LRP1: variants seen among roughly 807,000 people sequenced by gnomAD.
The protein encoded by LRP1 is LDL receptor related protein 1, also known as prolow-density lipoprotein receptor-related protein 1.
A neutral mutation model predicts 541.5 loss-of-function variants in LRP1; 51 were observed. The ratio of observed to expected loss-of-function variants is 0.09; its 90% CI spans 0.08 to 0.12. The LOEUF (loss-of-function observed/expected upper bound fraction) is 0.12. Ranked by LOEUF, LRP1 falls within the 10% of genes least tolerant of loss-of-function variation. The pLI, the probability that LRP1 is intolerant of heterozygous loss-of-function variation, is 1.00. For missense variants in LRP1, 3,878 were observed against 6,376.2 expected (o/e 0.61, Z 13.34); for synonymous variants, 2,219 against 2,470.8 (o/e 0.90, Z 3.02).
In LRP1 at chr12:57,173,858, C is replaced by T. The variant is rs750861138; in HGVS notation, c.3425C>T (p.Ser1142Phe). 7 of 1,614,096 alleles carry T rather than the reference C, an allele frequency of 4.3e-6. No individual in the cohort carries two copies. In the Admixed American group the frequency reaches 5.0e-5, roughly 12 times the overall value. Residue 1142 changes from serine to phenylalanine, a missense_variant, in exon 22 of 89, where the codon TCC becomes TTC. Ser to Phe is a radical substitution (Grantham distance 155). Around this residue, in one of 13 missense-constraint regions of LRP1, gnomAD observed 320 missense variants for 547.9 expected, o/e 0.58. Transcript: ENST00000243077. This position sits in a 1 kb window ranked among gnomAD's most constrained non-coding sequence, Gnocchi z 4.7. ...EDNSDEENCE[S>F]LACRPPSHPC... ...AACTCGGACGAGGAGAACTGCGAGT[C>T]CCTGGCCTGCAGGCCACCCTCGCAC...
chr12:57,196,380 A>C, intron 55 of LRP1, 103 bp downstream of exon 55: 2 of 1,159,026 alleles, frequency 1.7e-6, no homozygotes, highest in Admixed American at 5.8e-5. Context: ...GTGGGGATAC[A>C]GCAGTGAATG....
At chr12:57,208,310 C>A in intron 77 of LRP1, 94 bp downstream of exon 77, 1 of 1,326,604 alleles carries the variant, frequency 7.5e-7, no homozygotes, top group Non-Finnish European at 1.0e-6. Flanking sequence ...GCCCTTCCCT[C>A]CCAGGCCAGC....
intron 51 of LRP1, 74 bp from the exon 52 acceptor site, chr12:57,195,197 C>T (rs2036503224): frequency 8.2e-6 from 13 of 1,585,394 alleles, no homozygotes; most frequent in East Asian, 4.5e-5. Context: ...CAGACGACGG[C>T]GAACCATCAC....
rs1381678793 is a variant in LRP1 at position 57,210,291 on chromosome 12, C to T, written c.12581-16C>T. The T allele has an allele frequency of 9.0e-6, 14 of 1,548,626 alleles. No homozygotes were observed. Among genetic ancestry groups the T allele is most frequent in the African/African-American group, 1.4e-5 (1 of 73,358 alleles). ...CTATTCCCCTGGCTCTGCCCCTTGACGGGCCCTTCCTGCAGCTCCCCGGCC... is the reference window on the plus strand; with the variant it reads ...CTATTCCCCTGGCTCTGCCCCTTGATGGGCCCTTCCTGCAGCTCCCCGGCC... On this transcript the variant is annotated splice_polypyrimidine_tract_variant and intron_variant, in intron 81 of 88. Transcript: ENST00000243077.
chr12:57,187,302 G>A lies in LRP1; in HGVS notation c.6877G>A (p.Gly2293Ser), dbSNP rs753669829. Residue 2293 changes from glycine (G) to serine (S), a missense_variant, in exon 42 of 89, where the codon GGC becomes AGC. Gly to Ser is a moderately conservative substitution (Grantham distance 56). This residue lies in a region of LRP1 where 1,100 missense variants were observed against 1,827.4 expected (regional missense o/e 0.60). Transcript: ENST00000243077. The part of the protein sequence containing the change: ...GSVEGLAYHR[G>S]WDTLYWTSYT... ...CGTGGAAGGCCTGGCCTATCACCGT[G>A]GCTGGGACACTCTCTATTGGACAAG... 9.3e-6 allele frequency: 15 copies of A among 1,613,994 alleles called. No individual in the cohort carries two copies. The highest frequency in any genetic ancestry group is 4.2e-6 in the Non-Finnish European group (5 of 1,179,994).
At chr12:57,155,086 C>T in intron 8 of LRP1, 1 of 471,780 alleles carries the variant, frequency 2.1e-6, no homozygotes, top group Non-Finnish European at 3.8e-6. Context: ...GTTCTAGAAG[C>T]CTTGCTGGCT....
At chr12:57,180,542 C>G in intron 32 of LRP1, 63 bp downstream of exon 32, 1 of 1,607,882 alleles carries the variant, frequency 6.2e-7, no homozygotes, top group East Asian at 2.2e-5. Context: ...TACTGGGAGA[C>G]AGGGGCTGGC....
Position 57,184,524 on chromosome 12 carries a change from C to A in LRP1, c.6186+72C>A. 1.3e-6 allele frequency: 2 copies of A among 1,591,842 alleles called. No homozygotes were observed. Among genetic ancestry groups the A allele is most frequent in the East Asian group, 2.3e-5 (1 of 44,232 alleles). On this transcript the variant is annotated intron_variant, in intron 38 of 88. Transcript: ENST00000243077. This position sits in a 1 kb window ranked among gnomAD's most constrained non-coding sequence, Gnocchi z 7.8. ...CAGGCTCCTGTTCCCTGTGATGAGC[C>A]CATTCTGGGAGGACTTGGAGCCCAG...
In LRP1 at chr12:57,201,082, G is replaced by T; in HGVS notation, c.10274G>T (p.Arg3425Leu). ...CAGTTCAAATGCACCAACACCAACC[G>T]CTGTATTCCCGGCATCTTCCGCTGC... ...PSQFKCTNTNRCIPGIFRCNG... is the reference protein window; with the variant it reads ...PSQFKCTNTNLCIPGIFRCNG... The change falls in exon 65 of 89, where the codon CGC (arginine) becomes CTC (leucine). Residue 3425 changes from arginine to leucine, a missense_variant. Around this residue, in one of 13 missense-constraint regions of LRP1, gnomAD observed 278 missense variants for 536.3 expected, o/e 0.52. Transcript: ENST00000243077. The surrounding 1 kb of genome is among the most constrained non-coding windows in gnomAD (Gnocchi z 6.4). The T allele has an allele frequency of 6.2e-7, 1 of 1,613,976 alleles. No individual in the cohort carries two copies. The highest frequency in any genetic ancestry group is 8.5e-7 in the Non-Finnish European group (1 of 1,180,006).
chr12:57,210,855 T>A lies in LRP1; in HGVS notation c.12892T>A (p.Phe4298Ile). The A allele has an allele frequency of 6.2e-7, 1 of 1,612,428 alleles. No homozygotes were observed. The highest frequency in any genetic ancestry group is 8.5e-7 in the Non-Finnish European group (1 of 1,179,358). The part of the protein sequence containing the change: ...NQPQCRCLPG[F>I]LGDRCQYRQC... ...GCCCCAGTGCCGATGCCTACCCGGC[T>A]TCCTGGGCGACCGCTGCCAGTACCG... The change falls in exon 83 of 89, where the codon TTC becomes ATC. Residue 4298 changes from phenylalanine to isoleucine, a missense_variant. By Grantham distance (21) the Phe-to-Ile change is conservative (BLOSUM62 0). Around this residue, in one of 13 missense-constraint regions of LRP1, gnomAD observed 871 missense variants for 1,212.4 expected, o/e 0.72. Coordinates refer to ENST00000243077, the MANE Select transcript of LRP1 (RefSeq NM_002332.3).
intron 20 of LRP1, among the ~76,000 whole-genome samples, chr12:57,170,474 T>C (rs946643480): frequency 6.7e-6 from 1 of 149,352 alleles, no homozygotes; most frequent in African/African-American, 2.5e-5. Flanking sequence ...AGGCCAGGGG[T>C]TCAAGACCAA....
intron 50 of LRP1, 44 bp from the exon 51 acceptor site, chr12:57,194,940 GA>G: frequency 6.6e-7 from 1 of 1,516,306 alleles, no homozygotes; most frequent in Non-Finnish European, 9.2e-7. Context: ...CCAGGTGGGT[GA>G]CCCCCACCCT....
intron 20 of LRP1, among the ~76,000 whole-genome samples, chr12:57,170,996 A>G (rs974779923): frequency 2.0e-5 from 3 of 152,160 alleles, no homozygotes; most frequent in African/African-American, 7.2e-5. Flanking sequence ...GAGGGAGGAC[A>G]GAGAAGGCCA....
Position 57,183,689 on chromosome 12 carries a change from CCT to C in LRP1, c.5795-83_5795-82del. ...ACCTGGCCCCTCCGGCACTCTCTCACCTCTGTCTTGAGCCTTGTGAGATTTTG... is the reference window on the plus strand; with the variant it reads ...ACCTGGCCCCTCCGGCACTCTCTCACCTGTCTTGAGCCTTGTGAGATTTTG... On this transcript the variant is annotated intron_variant, in intron 35 of 88. Transcript: ENST00000243077. This position sits in a 1 kb window ranked among gnomAD's most constrained non-coding sequence, Gnocchi z 6.1. 6.4e-7 allele frequency: 1 copy of C among 1,572,038 alleles called. No homozygotes were observed. The highest frequency in any genetic ancestry group is 8.7e-7 in the Non-Finnish European group (1 of 1,155,174).
rs776013646 is a variant in LRP1 at position 57,183,385 on chromosome 12, G to T, written c.5669G>T (p.Gly1890Val). Residue 1890 changes from glycine (G) to valine (V), a missense_variant, in exon 35 of 89, where the codon GGT becomes GTT. Transcript: ENST00000243077. This position sits in a 1 kb window ranked among gnomAD's most constrained non-coding sequence, Gnocchi z 6.1. ...AAGTTTCCTTGTCTTTCAGGCGTAG[G>T]TTCCTTTCTCCTGTACTCTGTGCAT... ...RSGQQACEGV[G>V]SFLLYSVHEG... 3.1e-6 allele frequency: 5 copies of T among 1,602,968 alleles called. No individual in the cohort carries two copies. Among genetic ancestry groups the T allele is most frequent in the African/African-American group, 2.7e-5 (2 of 74,656 alleles).
chr12:57,175,148 C>T (rs144448022), intron 22 of LRP1, among the ~76,000 whole-genome samples: 136 of 152,252 alleles, frequency 8.9e-4, no homozygotes, highest in Non-Finnish European at 1.6e-3. Flanking sequence ...AAGCTGGGGC[C>T]CCCGCCCTGG....
At position 57,181,229 on chromosome 12, in the gene LRP1, C is replaced by T. The variant is rs200163030; in HGVS notation, c.5600C>T (p.Thr1867Met). Residue 1867 changes from threonine (T) to methionine (M), a missense_variant, in exon 34 of 89, where the codon ACG becomes ATG. By Grantham distance (81) the Thr-to-Met change is moderately conservative (BLOSUM62 -1). Transcript: ENST00000243077. ...CAGCTCTGCCTGCCCACGTCAGAGA[C>T]GACCCGCTCCTGCATGTGCACAGCC... ...CSQLCLPTSE[T>M]TRSCMCTAGY... is the part of the protein sequence containing the mutation. The T allele has an allele frequency of 1.6e-5, 26 of 1,613,694 alleles. No individual in the cohort carries two copies. The highest frequency in any genetic ancestry group is 1.6e-4 in the East Asian group (7 of 44,878).
rs2036569657 is a variant in LRP1, at chr12:57,197,782, A to G, written c.9282+118A>G. 8.6e-7 allele frequency: 1 copy of G among 1,161,696 alleles called. No individual in the cohort carries two copies. The highest frequency in any genetic ancestry group is 2.4e-5 in the Admixed American group (1 of 41,104). The allele number at this position is 1,161,696 out of a possible 1,614,324, so 72.0% of individuals were successfully genotyped here. A position where few individuals can be genotyped will look rare whatever the true frequency, so the allele number is the denominator to read the frequency against. On this transcript the variant is annotated intron_variant, in intron 58 of 88. Transcript: ENST00000243077. This position sits in a 1 kb window ranked among gnomAD's most constrained non-coding sequence, Gnocchi z 4.5. ...CTTCCTTCTCACTCCACTAGTCACT[A>G]TATGACTGCTTGTTCTAGCTGCTCA... is the stretch of plus-strand genomic sequence containing the variant.
chr12:57,161,904 C>T (rs1010908523), intron 13 of LRP1, among the ~76,000 whole-genome samples: 1 of 152,182 alleles, frequency 6.6e-6, no homozygotes, highest in African/African-American at 2.4e-5. Flanking sequence ...TACTACAGCT[C>T]AGCCCCTAAC....
Sources: gnomAD v4.1 joint callset for allele counts (sites outside exome capture counted in the v4.1 genomes callset) on GRCh38, gnomAD v4.1.1 for gene constraint, gnomAD v4.1.1 regional missense constraint, Gnocchi (gnomAD v3.1) non-coding constraint, MANE v1.5 for transcripts, NCBI Gene and HGNC (gene_info 2026-07-23, HGNC 2026-07-21) for gene names.